KLRG1: variants seen among roughly 807,000 people sequenced by gnomAD.
KLRG1 encodes killer cell lectin like receptor G1, also known as killer cell lectin-like receptor subfamily G member 1.
A neutral mutation model predicts 21.8 loss-of-function variants in KLRG1; 16 were observed. That is an observed-to-expected ratio of 0.73 (90% CI 0.50 to 1.11). KLRG1 has a LOEUF of 1.11. KLRG1 is among the 50% of genes most tolerant of loss of function. The pLI, the probability that KLRG1 is intolerant of heterozygous loss-of-function variation, is 0.00. For synonymous variants in KLRG1, 69 were observed against 75.9 expected (o/e 0.91, Z 0.47); for missense variants, 173 against 218.3 (o/e 0.79, Z 1.31).
chr12:9,197,616 AT>A, the KLRG1 span, among the ~76,000 whole-genome samples: 4 of 95,258 alleles, frequency 4.2e-5, no homozygotes, highest in African/African-American at 8.7e-5. Flanking sequence ...TATATTATAT[AT>A]TTATATATTA....
chr12:9,079,863 C>G, the KLRG1 span: 3 of 1,450,810 alleles, frequency 2.1e-6, no homozygotes, highest in South Asian at 4.8e-5. Context: ...AGATTATCAT[C>G]TATCAAAGTC....
chr12:9,122,361 G>A, the KLRG1 span, among the ~76,000 whole-genome samples: 3 of 152,140 alleles, frequency 2.0e-5, no homozygotes, highest in East Asian at 1.9e-4. Flanking sequence ...GCTCATGTTC[G>A]CTGTGGAACT....
At chr12:9,191,047 A>T in the KLRG1 span, among the ~76,000 whole-genome samples, 27 of 152,146 alleles carry the variant, frequency 1.8e-4, no homozygotes, top group African/African-American at 6.0e-4. Context: ...ATATAGAGAA[A>T]TTTTTTCCAA....
chr12:8,958,168 G>T (rs1281116170), intron 1 of KLRG1, among the ~76,000 whole-genome samples: 3 of 152,178 alleles, frequency 2.0e-5, no homozygotes, highest in Non-Finnish European at 4.4e-5. Context: ...AAAGTGTTGG[G>T]ATTACAAGCA....
chr12:9,014,228 C>T (rs1205408002), downstream of KLRG1, among the ~76,000 whole-genome samples: 1 of 152,076 alleles, frequency 6.6e-6, no homozygotes, highest in Non-Finnish European at 1.5e-5. Context: ...ACTCTCCAAA[C>T]CTAGAGAAGA....
At chr12:9,032,524 A>T in the KLRG1 span, among the ~76,000 whole-genome samples, 1 of 152,222 alleles carries the variant, frequency 6.6e-6, no homozygotes, top group Non-Finnish European at 1.5e-5. Flanking sequence ...AAAGATGATA[A>T]TAGCCCTCTC....
intron 1 of KLRG1, among the ~76,000 whole-genome samples, chr12:8,972,411 G>A (rs147770548): frequency 1.0e-3 from 153 of 152,202 alleles, no homozygotes; most frequent in East Asian, 2.9e-3. Flanking sequence ...CCCCTGCCTC[G>A]GCATCCCAAA....
chr12:9,115,514 A>G, the KLRG1 span: 1 of 380,040 alleles, frequency 2.6e-6, no homozygotes, highest in South Asian at 3.0e-5. Context: ...TCTAAAATTT[A>G]TTCTTTTAAA....
the KLRG1 span, chr12:9,068,901 AGTTT>A: frequency 2.4e-6 from 3 of 1,259,738 alleles, no homozygotes. Flanking sequence ...TCTTTGAATT[AGTTT>A]AAGTATTCAC....
chr12:9,027,240 C>A, the KLRG1 span, among the ~76,000 whole-genome samples: 1 of 149,884 alleles, frequency 6.7e-6, no homozygotes, highest in Non-Finnish European at 1.5e-5. Flanking sequence ...TTCCATTTAG[C>A]AATCAACAGC....
chr12:9,185,658 G>A, the KLRG1 span, among the ~76,000 whole-genome samples: 2 of 149,818 alleles, frequency 1.3e-5, no homozygotes, highest in Non-Finnish European at 1.5e-5. Context: ...TGAAATGAAT[G>A]AAAAAAAAAA....
chr12:9,183,023 T>C, the KLRG1 span, among the ~76,000 whole-genome samples: 1 of 152,206 alleles, frequency 6.6e-6, no homozygotes, highest in African/African-American at 2.4e-5. Flanking sequence ...ATACATAGGA[T>C]AACAGAGTCT....
At chr12:8,964,331 T>C (rs1243716793) in intron 1 of KLRG1, among the ~76,000 whole-genome samples, 1 of 152,232 alleles carries the variant, frequency 6.6e-6, no homozygotes, top group East Asian at 1.9e-4. Flanking sequence ...TCAGCTTCTA[T>C]GTAGTTGAGT....
the KLRG1 span, chr12:9,068,337 T>C: frequency 9.3e-6 from 10 of 1,077,540 alleles, no homozygotes; most frequent in East Asian, 2.3e-4. Context: ...AAGAACAGTA[T>C]TGTACCAGAA....
chr12:9,064,163 CA>C, the KLRG1 span: 1 of 152,388 alleles, frequency 6.6e-6, no homozygotes, highest in African/African-American at 2.4e-5. This position sits in a 1 kb window ranked among gnomAD's most constrained non-coding sequence, Gnocchi z 4.0. Flanking sequence ...AAGTTAAGAG[CA>C]TGGAAGCTAG....
At chr12:9,176,288 G>T in the KLRG1 span, among the ~76,000 whole-genome samples, 2 of 152,044 alleles carry the variant, frequency 1.3e-5, no homozygotes, top group Admixed American at 6.5e-5. Context: ...CACTCACTCC[G>T]GCCTATTAGA....
At chr12:9,074,081 C>T in the KLRG1 span, among the ~76,000 whole-genome samples, 3 of 97,654 alleles carry the variant, frequency 3.1e-5, no homozygotes, top group African/African-American at 1.4e-4. Flanking sequence ...GAGCAAGACT[C>T]TGTCTTAAAA....
chr12:9,057,340 C>G, the KLRG1 span, among the ~76,000 whole-genome samples: 1 of 152,016 alleles, frequency 6.6e-6, no homozygotes. Context: ...AGTGGGATAA[C>G]AGATACTGGA....
intron 1 of KLRG1, among the ~76,000 whole-genome samples, chr12:8,966,169 C>T (rs1458142957): frequency 6.6e-6 from 1 of 152,164 alleles, no homozygotes; most frequent in Non-Finnish European, 1.5e-5. Flanking sequence ...CTTCCTTACA[C>T]CTTATACAAA....
Sources: allele counts gnomAD v4.1 joint callset (sites outside exome capture counted in the v4.1 genomes callset), GRCh38; gene constraint gnomAD v4.1.1; non-coding constraint Gnocchi (gnomAD v3.1); transcripts MANE v1.5; gene names NCBI Gene and HGNC (gene_info 2026-07-23, HGNC 2026-07-21).